Variants in LPP observed in about 807,000 individuals in gnomAD.
The protein encoded by LPP is LIM domain containing preferred translocation partner in lipoma.
In LPP, 38 loss-of-function variants were observed where a neutral mutation model predicts 60.4. That is an observed-to-expected ratio of 0.63 (90% CI 0.49 to 0.83). The LOEUF is 0.83. LPP is among the 40% of genes least tolerant of loss of function. The pLI is 0.00. For missense variants in LPP, 902 were observed against 783.6 expected (o/e 1.15, Z -1.80); for synonymous variants, 328 against 290.8 (o/e 1.13, Z -1.30).
chr3:188,378,706 C>T (rs1196304383), intron 3 of LPP, among the ~76,000 whole-genome samples: 1 of 152,166 alleles, frequency 6.6e-6, no homozygotes, highest in Non-Finnish European at 1.5e-5. Flanking sequence ...GCACGGTGCA[C>T]TGCACCCACT....
At chr3:188,826,969 G>A (rs1429793981) in intron 9 of LPP, among the ~76,000 whole-genome samples, 2 of 152,224 alleles carry the variant, frequency 1.3e-5, no homozygotes, top group Non-Finnish European at 1.5e-5. Flanking sequence ...GTACTGTTAA[G>A]AGAATACATA....
intron 2 of LPP, among the ~76,000 whole-genome samples, chr3:188,233,679 G>C (rs1720870035): frequency 6.6e-6 from 1 of 151,986 alleles, no homozygotes; most frequent in South Asian, 2.1e-4. Context: ...TTATAGCAAG[G>C]CTTTTTCCCC....
At chr3:188,178,608 T>C (rs535206546) in intron 1 of LPP, 1 of 152,472 alleles carries the variant, frequency 6.6e-6, no homozygotes, top group African/African-American at 2.4e-5. Flanking sequence ...GGTCACACTG[T>C]TGTTTAGTCA....
At chr3:188,827,522 T>C (rs892880891) in intron 9 of LPP, among the ~76,000 whole-genome samples, 6 of 152,176 alleles carry the variant, frequency 3.9e-5, no homozygotes, top group African/African-American at 1.2e-4. Context: ...TTCATTCTTG[T>C]TAAAAGACTT....
chr3:188,830,306 TAAA>T (rs1046076554), intron 9 of LPP, among the ~76,000 whole-genome samples: 1 of 135,208 alleles, frequency 7.4e-6, no homozygotes, highest in Non-Finnish European at 1.6e-5. Context: ...AAGCACTATT[TAAA>T]AAAAAAAAAA....
At chr3:188,804,271 AT>A (rs1748353990) in intron 9 of LPP, among the ~76,000 whole-genome samples, 3 of 125,354 alleles carry the variant, frequency 2.4e-5, no homozygotes, top group Non-Finnish European at 5.0e-5. Flanking sequence ...ATATATATAT[AT>A]ATATATATAT....
At chr3:188,710,672 G>A (rs2149725011) in intron 8 of LPP, 1 of 152,120 alleles carries the variant, frequency 6.6e-6, no homozygotes, top group East Asian at 1.9e-4. Context: ...TGAAAAATAA[G>A]GTCTCTGTAT....
At chr3:188,306,565 G>A (rs1427793807) in intron 2 of LPP, among the ~76,000 whole-genome samples, 3 of 152,154 alleles carry the variant, frequency 2.0e-5, no homozygotes, top group South Asian at 4.1e-4. Context: ...CTTTAGAGTC[G>A]TGGGTGCAGG....
At chr3:188,336,689 G>T (rs1761735922) in intron 2 of LPP, among the ~76,000 whole-genome samples, 1 of 152,152 alleles carries the variant, frequency 6.6e-6, no homozygotes, top group African/African-American at 2.4e-5. Flanking sequence ...AGGGAGAGGG[G>T]TATCTTAGCA....
At chr3:188,845,933 C>T (rs1032213190) in intron 9 of LPP, among the ~76,000 whole-genome samples, 30 of 152,220 alleles carry the variant, frequency 2.0e-4, no homozygotes. Flanking sequence ...TCTTTGTCTT[C>T]TAAGCTTGCT....
At position 188,887,746 on chromosome 3, in the gene LPP, A is replaced by G. The variant is rs1158791656; in HGVS notation, c.*13267A>G. On this transcript the variant is annotated 3_prime_UTR_variant, in exon 12 of 12. Coordinates refer to ENST00000617246, the MANE Select transcript of LPP (RefSeq NM_001375462.1). ...AACTGAGGAGTATCTTTGATGAAAGACATTTAGGACCCTAGAAACTAAATC... is the reference window on the plus strand; with the variant it reads ...AACTGAGGAGTATCTTTGATGAAAGGCATTTAGGACCCTAGAAACTAAATC... 4.8e-6 allele frequency: 1 copy of G among 209,480 alleles called. No homozygotes were observed. The highest frequency in any genetic ancestry group is 9.7e-6 in the Non-Finnish European group (1 of 103,020). The allele number at this position is 209,480 out of a possible 1,614,324, so 13.0% of individuals were successfully genotyped here.
At chr3:188,374,060 G>A (rs1436800148) in intron 3 of LPP, among the ~76,000 whole-genome samples, 3 of 152,044 alleles carry the variant, frequency 2.0e-5, no homozygotes, top group Non-Finnish European at 2.9e-5. Flanking sequence ...CTGTTCCATT[G>A]GCCTATATCT....
intron 2 of LPP, among the ~76,000 whole-genome samples, chr3:188,269,091 G>A (rs1736693230): frequency 6.6e-6 from 1 of 152,146 alleles, no homozygotes; most frequent in Admixed American, 6.5e-5. Context: ...TATAAAACAT[G>A]CTGTTGAAAT....
intron 8 of LPP, among the ~76,000 whole-genome samples, chr3:188,739,683 T>TA (rs1334875320): frequency 6.6e-6 from 1 of 152,008 alleles, no homozygotes; most frequent in Non-Finnish European, 1.5e-5. Flanking sequence ...ACTCCAAAAA[T>TA]ATCCTTGATA....
chr3:188,766,500 A>T (rs1734210837), intron 9 of LPP, among the ~76,000 whole-genome samples: 1 of 152,176 alleles, frequency 6.6e-6, no homozygotes, highest in Non-Finnish European at 1.5e-5. Context: ...GATCCTAGAA[A>T]ATAGTTACAG....
intron 1 of LPP, among the ~76,000 whole-genome samples, chr3:188,161,397 T>A (rs1254301556): frequency 6.6e-6 from 1 of 152,210 alleles, no homozygotes; most frequent in Admixed American, 6.5e-5. Context: ...ATCAGGTAGC[T>A]TAATTCCTAC....
At position 188,833,185 on chromosome 3, in the gene LPP, A is replaced by G. The variant is rs148102359; in HGVS notation, c.1411-33015A>G. Among the ~76,000 whole-genome samples the G allele has an allele frequency of 6.7e-3, 1,018 of 152,344 alleles. 4 individuals are homozygous for G. The highest frequency in any genetic ancestry group is 0.011 in the Non-Finnish European group (740 of 68,034). ...AGTAAATATTTGTCAAAGCTGGTCC[A>G]CACTGAGGGAGACAGGCTCTCCAGG... On this transcript the variant is annotated intron_variant, in intron 9 of 11. Coordinates refer to ENST00000617246, the MANE Select transcript of LPP (RefSeq NM_001375462.1).
intron 3 of LPP, among the ~76,000 whole-genome samples, chr3:188,386,181 G>T (rs968052307): frequency 6.6e-6 from 1 of 150,890 alleles, no homozygotes; most frequent in African/African-American, 2.4e-5. Context: ...AATAGGAAAT[G>T]ATCTCACCAA....
intron 2 of LPP, among the ~76,000 whole-genome samples, chr3:188,311,036 C>A (rs776019546): frequency 4.2e-4 from 64 of 152,082 alleles, no homozygotes; most frequent in Non-Finnish European, 1.0e-4. Flanking sequence ...TCCAAAAAGT[C>A]GAAGATATTA....
Sources: gnomAD v4.1 joint callset for allele counts (sites outside exome capture counted in the v4.1 genomes callset) on GRCh38, gnomAD v4.1.1 for gene constraint, MANE v1.5 for transcripts, NCBI Gene and HGNC (gene_info 2026-07-23, HGNC 2026-07-21) for gene names.